The following NAA15 variants were observed in gnomAD, a reference collection of about 807,000 sequenced individuals.
NAA15 encodes the protein N-alpha-acetyltransferase 15, NatA auxiliary subunit.
A neutral mutation model predicts 114.0 loss-of-function variants in NAA15; 34 were observed. That is an observed-to-expected ratio of 0.30 (90% CI 0.23 to 0.40). The LOEUF (loss-of-function observed/expected upper bound fraction) is 0.40, where lower values mean the gene tolerates loss of function less well. Among genes scored for constraint, NAA15 ranks in the 10% least tolerant of loss-of-function variants. The pLI is 1.00. For missense variants in NAA15, 658 were observed against 1,004.5 expected, an observed-to-expected ratio of 0.66 and a Z score of 4.66; for synonymous variants, 340 against 338.0, an observed-to-expected ratio of 1.01 and a Z score of -0.06.
intron 15 of NAA15, among the ~76,000 whole-genome samples, chr4:139,370,824 A>G (rs888101662): frequency 1.3e-5 from 2 of 152,250 alleles, no homozygotes; most frequent in African/African-American, 4.8e-5. Flanking sequence ...TTACAGTGGT[A>G]ACATGCAAGT....
At chr4:139,314,587 T>C (rs909690793) in intron 1 of NAA15, among the ~76,000 whole-genome samples, 5 of 151,906 alleles carry the variant, frequency 3.3e-5, no homozygotes, top group African/African-American at 1.2e-4. Context: ...ATCTAATACC[T>C]GAGATAGTGC....
intron 17 of NAA15, among the ~76,000 whole-genome samples, chr4:139,383,147 G>A (rs200569844): frequency 1.3e-5 from 2 of 152,190 alleles, no homozygotes; most frequent in East Asian, 1.9e-4. Flanking sequence ...GAAAATCTAC[G>A]TAATGTTTTC....
intron 2 of NAA15, among the ~76,000 whole-genome samples, chr4:139,336,252 G>A (rs2167250): frequency 0.27 from 40,358 of 151,894 alleles, 5,673 homozygotes; most frequent in African/African-American, 0.35. Flanking sequence ...TAAAATTAGA[G>A]TTTAGTTTTC....
intron 17 of NAA15, among the ~76,000 whole-genome samples, chr4:139,379,534 A>G (rs947558641): frequency 1.3e-5 from 2 of 152,214 alleles, no homozygotes; most frequent in East Asian, 3.8e-4. Flanking sequence ...CTACTGTAAG[A>G]ACTGTACATT....
chr4:139,359,588 G>A (rs1032058367), intron 11 of NAA15, among the ~76,000 whole-genome samples, 155 bp from the exon 12 acceptor site: 31 of 152,286 alleles, frequency 2.0e-4, no homozygotes, highest in South Asian at 6.2e-4. Context: ...CTTATATTAT[G>A]GAAGAATGCA....
chr4:139,305,441 ATT>A (rs202100611), intron 1 of NAA15, among the ~76,000 whole-genome samples: 7 of 137,204 alleles, frequency 5.1e-5, no homozygotes, highest in South Asian at 2.3e-4. Context: ...TGCTTTTAAG[ATT>A]TTTTTTTTTT....
chr4:139,353,332 A>G (rs1298175620), intron 9 of NAA15, among the ~76,000 whole-genome samples: 1 of 152,204 alleles, frequency 6.6e-6, no homozygotes, highest in Non-Finnish European at 1.5e-5. Flanking sequence ...TAGTCCTCAC[A>G]ATTTATTGAG....
intron 6 of NAA15, among the ~76,000 whole-genome samples, chr4:139,345,939 G>A (rs1441652786): frequency 6.6e-6 from 1 of 152,044 alleles, no homozygotes; most frequent in Non-Finnish European, 1.5e-5. Flanking sequence ...AAGGGAGTGG[G>A]AGTAGAGGAA....
chr4:139,379,165 GTT>G (rs1560981609), intron 17 of NAA15: 1 of 192,688 alleles, frequency 5.2e-6, no homozygotes, highest in East Asian at 1.3e-4. Flanking sequence ...TTAGTAAATT[GTT>G]TTGAAATTGA....
intron 8 of NAA15, 100 bp downstream of exon 8, chr4:139,351,386 C>T: frequency 9.5e-7 from 1 of 1,053,414 alleles, no homozygotes; most frequent in Non-Finnish European, 1.4e-6. Flanking sequence ...TTAAGCTATA[C>T]ATTGTTAGAG....
rs976489646 is a variant in NAA15, at chr4:139,301,919, G to A, written c.54+88G>A. On this transcript the variant is annotated intron_variant, in intron 1 of 19. Coordinates refer to ENST00000296543, the MANE Select transcript of NAA15 (RefSeq NM_057175.5). ...CTAACCTCGGCCCGGCGGGCACTGAGCCACTCCCGCCCGGGACCCCGCCTT... is the reference window on the plus strand; with the variant it reads ...CTAACCTCGGCCCGGCGGGCACTGAACCACTCCCGCCCGGGACCCCGCCTT... 9 of 1,397,206 alleles carry A rather than the reference G, an allele frequency of 6.4e-6. No homozygotes were observed. The Admixed American group carries it at 1.5e-4, about 24-fold the overall frequency. The allele number at this position is 1,397,206 out of a possible 1,614,324, so 86.6% of individuals were successfully genotyped here. A position where few individuals can be genotyped will look rare whatever the true frequency, so the allele number is the denominator to read the frequency against.
chr4:139,314,770 C>CG (rs1437838376), intron 1 of NAA15, among the ~76,000 whole-genome samples: 3 of 151,504 alleles, frequency 2.0e-5, no homozygotes, highest in African/African-American at 7.3e-5. Context: ...CTCTGCCTCC[C>CG]GGGTTCAAAC....
At chr4:139,349,602 C>G in intron 7 of NAA15, 21 bp downstream of exon 7, 1 of 1,576,030 alleles carries the variant, frequency 6.3e-7, no homozygotes, top group African/African-American at 1.4e-5. Flanking sequence ...TTAAAACTTA[C>G]TAAGTTTTAT....
chr4:139,373,038 C>G (rs879348586), intron 15 of NAA15, among the ~76,000 whole-genome samples: 1 of 152,140 alleles, frequency 6.6e-6, no homozygotes, highest in Non-Finnish European at 1.5e-5. Flanking sequence ...GGGTGCCCAC[C>G]ACCACGCCTG....
chr4:139,331,656 A>T (rs1183932303), intron 1 of NAA15, among the ~76,000 whole-genome samples: 1 of 141,632 alleles, frequency 7.1e-6, no homozygotes, highest in Non-Finnish European at 1.5e-5. Flanking sequence ...GTAGAGAAAG[A>T]GTTTCACCAC....
At chr4:139,385,440 A>G (rs1748886967) in intron 18 of NAA15, among the ~76,000 whole-genome samples, 1 of 151,576 alleles carries the variant, frequency 6.6e-6, no homozygotes, top group African/African-American at 2.4e-5. Context: ...ACTTAAATGT[A>G]TATCATAAAA....
chr4:139,331,524 G>T (rs148189445), intron 1 of NAA15, among the ~76,000 whole-genome samples: 6,003 of 149,668 alleles, frequency 0.04, 161 homozygotes, highest in Non-Finnish European at 0.06. Flanking sequence ...TTGGCTCACT[G>T]CAGCCTCCGC....
intron 17 of NAA15, among the ~76,000 whole-genome samples, chr4:139,380,888 T>G (rs1748732471): frequency 6.6e-6 from 1 of 152,190 alleles, no homozygotes; most frequent in Non-Finnish European, 1.5e-5. Flanking sequence ...CAAGGGTTTC[T>G]TTAACTAAAA....
At position 139,388,121 on chromosome 4, in the gene NAA15, A is replaced by G. The variant is rs756087999; in HGVS notation, c.*37A>G. The G allele has an allele frequency of 3.2e-6, 5 of 1,565,836 alleles. No homozygotes were observed. The East Asian group carries it at 1.1e-4, about 35-fold the overall frequency. On this transcript the variant is annotated 3_prime_UTR_variant, in exon 20 of 20. Coordinates refer to ENST00000296543, the MANE Select transcript of NAA15 (RefSeq NM_057175.5). ...CAAGCAAATGGAATGACTTTGGACC[A>G]TATCTAGTATATAATATTTTTGTCA... is the stretch of plus-strand genomic sequence containing the variant.
Sources: gnomAD v4.1 joint callset for allele counts (sites outside exome capture counted in the v4.1 genomes callset) on GRCh38, gnomAD v4.1.1 for gene constraint, MANE v1.5 for transcripts, NCBI Gene and HGNC (gene_info 2026-07-23, HGNC 2026-07-21) for gene names.